The following DEPDC5 variants were observed in gnomAD, a reference collection of about 807,000 sequenced individuals.
DEPDC5 encodes the protein GATOR1 complex protein DEPDC5.
DEPDC5 carries 73 observed loss-of-function variants against 217.3 expected under a neutral mutation model. The observed-to-expected ratio is 0.34, with a 90% CI of 0.28 to 0.41. DEPDC5 has a LOEUF of 0.41. Among genes scored for constraint, DEPDC5 ranks in the 10% least tolerant of loss-of-function variants. The pLI is 1.00. For missense variants in DEPDC5, 1,675 were observed against 2,070.1 expected (o/e 0.81, Z 3.70); for synonymous variants, 733 against 756.7 (o/e 0.97, Z 0.51).
chr22:31,893,424 G>C (rs1467477333), intron 38 of DEPDC5, among the ~76,000 whole-genome samples, 158 bp from the exon 39 acceptor site: 1 of 152,160 alleles, frequency 6.6e-6, no homozygotes, highest in African/African-American at 2.4e-5. Flanking sequence ...TTACAGAAAG[G>C]TTTCCAATAT....
At chr22:31,866,084 C>A (rs138673421) in intron 33 of DEPDC5, among the ~76,000 whole-genome samples, 1 of 152,100 alleles carries the variant, frequency 6.6e-6, no homozygotes, top group Admixed American at 6.6e-5. Flanking sequence ...GACAAGCCCA[C>A]GAGGTGGAAG....
intron 7 of DEPDC5, among the ~76,000 whole-genome samples, chr22:31,775,355 T>G (rs574028624): frequency 2.6e-5 from 4 of 151,978 alleles, no homozygotes. Flanking sequence ...AATTTTTGTG[T>G]TTTTAGTAAA....
chr22:31,842,391 C>G (rs560842808), intron 27 of DEPDC5, among the ~76,000 whole-genome samples: 6 of 152,098 alleles, frequency 3.9e-5, no homozygotes, highest in African/African-American at 9.7e-5. Context: ...GCCTGACCAA[C>G]ATGGAGAAAC....
At chr22:31,835,749 T>G (rs1391258686) in intron 25 of DEPDC5, among the ~76,000 whole-genome samples, 3 of 152,164 alleles carry the variant, frequency 2.0e-5, no homozygotes, top group African/African-American at 7.2e-5. Flanking sequence ...GGGCCTATGT[T>G]TTGGATTCCT....
chr22:31,769,589 G>T (rs752592326), intron 7 of DEPDC5: 1 of 152,048 alleles, frequency 6.6e-6, no homozygotes, highest in Non-Finnish European at 1.5e-5. Flanking sequence ...ATTTTAGTTT[G>T]TGAAGAAAAA....
At chr22:31,759,700 A>G (rs1039898229) in intron 3 of DEPDC5, among the ~76,000 whole-genome samples, 20 of 92,854 alleles carry the variant, frequency 2.2e-4, no homozygotes, top group Non-Finnish European at 3.7e-4. Context: ...TTTTTTTTTA[A>G]GAGACAGAGT....
At chr22:31,759,535 G>A (rs1056178417) in intron 3 of DEPDC5, among the ~76,000 whole-genome samples, 47 of 151,022 alleles carry the variant, frequency 3.1e-4, no homozygotes, top group Non-Finnish European at 2.5e-4. Context: ...CACCATGCTT[G>A]GCTAATTTTT....
chr22:31,834,120 G>C, intron 25 of DEPDC5, 140 bp downstream of exon 25: 1 of 846,484 alleles, frequency 1.2e-6, no homozygotes, highest in Non-Finnish European at 2.0e-6. Context: ...AGGCGATGTG[G>C]TGAGGGAGGA....
rs560156713 is a variant in DEPDC5 at position 31,821,367 on chromosome 22, C to A, written c.1871-135C>A. 34 of 1,269,852 alleles carry A rather than the reference C, an allele frequency of 2.7e-5. No homozygotes were observed. In the South Asian group the frequency reaches 4.0e-4, roughly 15 times the overall value. The allele number at this position is 1,269,852 out of a possible 1,614,324, so 78.7% of individuals were successfully genotyped here. ...AAGAGCAGATGTCCTTTGGGAGCCA[C>A]CCTCTGTGGTGTGTTCTTCTTTCAA... On this transcript the variant is annotated intron_variant, in intron 22 of 42. Transcript: ENST00000651528.
At position 31,846,978 on chromosome 22, in the gene DEPDC5, G is replaced by A. The variant is rs1163412010; in HGVS notation, c.3155+11G>A. The A allele has an allele frequency of 1.2e-6, 2 of 1,614,242 alleles. No individual in the cohort carries two copies. Among genetic ancestry groups the A allele is most frequent in the Non-Finnish European group, 1.7e-6 (2 of 1,180,042 alleles). On this transcript the variant is annotated intron_variant, in intron 31 of 42. Coordinates refer to ENST00000651528, the MANE Select transcript of DEPDC5 (RefSeq NM_001242896.3). ...GGAGGCCAGTCAGAAGTAAGTGCTT[G>A]GTGGAAGACTGACTTGTCCCCACCT...
chr22:31,874,493 A>C (rs2092937419), intron 36 of DEPDC5, 88 bp downstream of exon 36: 1 of 1,466,304 alleles, frequency 6.8e-7, no homozygotes, highest in African/African-American at 1.4e-5. Context: ...CTTTCCAGTA[A>C]TGAGATCTGC....
At chr22:31,862,324 G>A (rs2092545498) in intron 33 of DEPDC5, among the ~76,000 whole-genome samples, 1 of 152,166 alleles carries the variant, frequency 6.6e-6, no homozygotes, top group Non-Finnish European at 1.5e-5. Flanking sequence ...TAGCACTTTG[G>A]GAGGCCAAGA....
intron 6 of DEPDC5, among the ~76,000 whole-genome samples, chr22:31,767,162 G>A (rs1481985170): frequency 6.7e-6 from 1 of 149,934 alleles, no homozygotes; most frequent in African/African-American, 2.5e-5. Flanking sequence ...TTTTTTCTGA[G>A]ATGGAGTTTC....
At chr22:31,804,963 T>G (rs1414225845) in intron 17 of DEPDC5, 48 bp downstream of exon 17, 1 of 1,534,334 alleles carries the variant, frequency 6.5e-7, no homozygotes, top group South Asian at 1.2e-5. Context: ...TTTGAACAGC[T>G]TCCTTGCCAT....
intron 40 of DEPDC5, among the ~76,000 whole-genome samples, chr22:31,899,853 T>A (rs1311138667): frequency 1.3e-5 from 2 of 152,124 alleles, no homozygotes; most frequent in East Asian, 3.9e-4. Flanking sequence ...GCCCGGACTC[T>A]GTCCTCTGGT....
At chr22:31,783,367 G>A (rs754245918) in intron 8 of DEPDC5, among the ~76,000 whole-genome samples, 5 of 152,120 alleles carry the variant, frequency 3.3e-5, no homozygotes, top group Non-Finnish European at 5.9e-5. Context: ...ATGAAGGTCC[G>A]CAGCTTCATT....
At chr22:31,847,246 G>T (rs2091789327) in intron 31 of DEPDC5, among the ~76,000 whole-genome samples, 2 of 152,150 alleles carry the variant, frequency 1.3e-5, no homozygotes, top group African/African-American at 4.8e-5. Context: ...GGCCAGGTGT[G>T]GTGGCTCAGG....
chr22:31,859,322 A>G (rs2092428873), intron 32 of DEPDC5, among the ~76,000 whole-genome samples: 1 of 149,858 alleles, frequency 6.7e-6, no homozygotes, highest in South Asian at 2.1e-4. Flanking sequence ...TGATCTCCTG[A>G]CCTCGTGATC....
At chr22:31,867,984 A>C (rs769531872) in intron 33 of DEPDC5, among the ~76,000 whole-genome samples, 2 of 152,190 alleles carry the variant, frequency 1.3e-5, no homozygotes, top group African/African-American at 2.4e-5. Flanking sequence ...GCTTATTCTC[A>C]TTTAAATTTA....
Sources: gnomAD v4.1 joint callset for allele counts (sites outside exome capture counted in the v4.1 genomes callset) on GRCh38, gnomAD v4.1.1 for gene constraint, MANE v1.5 for transcripts, NCBI Gene and HGNC (gene_info 2026-07-23, HGNC 2026-07-21) for gene names.